Variants in MSH3 observed in about 807,000 individuals in gnomAD.
MSH3 encodes mutS homolog 3.
MSH3 carries 106 observed loss-of-function variants against 123.3 expected under a neutral mutation model. That is an observed-to-expected ratio of 0.86 (90% CI 0.73 to 1.01). The LOEUF (loss-of-function observed/expected upper bound fraction) is 1.01. MSH3 is among the 50% of genes least tolerant of loss of function. The probability of loss-of-function intolerance (pLI) is 0.00; values close to 1 mark genes in which losing one functional copy is unlikely to be tolerated. For missense variants in MSH3, 1,459 were observed against 1,347.6 expected, an observed-to-expected ratio of 1.08 and a Z score of -1.29; for synonymous variants, 515 against 481.4, an observed-to-expected ratio of 1.07 and a Z score of -0.91.
chr5:80,809,917 T>C (rs1478383246), intron 19 of MSH3, among the ~76,000 whole-genome samples: 1 of 152,038 alleles, frequency 6.6e-6, no homozygotes, highest in Non-Finnish European at 1.5e-5. Flanking sequence ...TTTTTTATGA[T>C]TTCAGCCAAT....
rs75310734 is a variant in MSH3 at position 80,754,456 on chromosome 5, A to G, written c.1764-7090A>G. 2.6e-5 allele frequency among the ~76,000 whole-genome samples: 4 copies of G among 152,258 alleles called. No individual in the cohort carries two copies. The East Asian group carries it at 7.7e-4, about 29-fold the overall frequency. The stretch of plus-strand genomic sequence containing the variant: ...CGTTCCCAGCGTCAGGGAATTTCTA[A>G]TCTAATCTGGTCAAGGTATAATCTA... On this transcript the variant is annotated intron_variant, in intron 12 of 23. Coordinates refer to ENST00000265081, the MANE Select transcript of MSH3 (RefSeq NM_002439.5).
intron 17 of MSH3, 144 bp downstream of exon 17, chr5:80,778,980 CTTTT>C: frequency 3.3e-5 from 13 of 393,954 alleles, no homozygotes; most frequent in East Asian, 9.0e-5. Context: ...GATTTTATTT[CTTTT>C]TTTTTTTTTT....
intron 8 of MSH3, among the ~76,000 whole-genome samples, chr5:80,722,988 T>C (rs538686402): frequency 5.9e-5 from 9 of 152,146 alleles, no homozygotes; most frequent in African/African-American, 2.2e-4. Flanking sequence ...CTATCTGTAG[T>C]CCTAGCTACT....
intron 18 of MSH3, among the ~76,000 whole-genome samples, chr5:80,789,227 T>C (rs1744566598): frequency 1.3e-5 from 2 of 152,198 alleles, no homozygotes; most frequent in African/African-American, 4.8e-5. Context: ...TCTTTTACAA[T>C]GAATTTGTAA....
intron 16 of MSH3, among the ~76,000 whole-genome samples, chr5:80,776,705 T>C (rs1333636399): frequency 1.3e-5 from 2 of 151,784 alleles, no homozygotes; most frequent in African/African-American, 4.8e-5. Flanking sequence ...GTGGAATATT[T>C]ATTAGTACTG....
intron 19 of MSH3, among the ~76,000 whole-genome samples, chr5:80,799,727 C>T (rs1359487746): frequency 6.6e-6 from 1 of 151,928 alleles, no homozygotes; most frequent in East Asian, 1.9e-4. Flanking sequence ...ATTGAGCAAG[C>T]GTCCCCATTG....
intron 5 of MSH3, 69 bp downstream of exon 5, chr5:80,672,429 T>C (rs904294009): frequency 1.7e-6 from 2 of 1,167,342 alleles, no homozygotes; most frequent in African/African-American, 1.5e-5. Context: ...AAACGTGTTT[T>C]GTAAGGTGGT....
rs749309440 is a variant in MSH3, at chr5:80,864,914, C to G, written c.3102C>G (p.Val1034=). The G allele has an allele frequency of 6.2e-7, 1 of 1,613,832 alleles. No homozygotes were observed. Among genetic ancestry groups the G allele is most frequent in the African/African-American group, 1.3e-5 (1 of 75,022 alleles). ...QVGNYHMGFL[V]SEDESKLDPG... ...GGAATTACCACATGGGATTCTTGGT[C>G]AGTGAGGATGAAAGCAAACTGGATC... The change falls in exon 22 of 24, where the codon GTC becomes GTG. Residue 1034 remains valine, a synonymous_variant. Transcript: ENST00000265081.
At chr5:80,790,001 G>T (rs1744581259) in intron 18 of MSH3, among the ~76,000 whole-genome samples, 1 of 151,950 alleles carries the variant, frequency 6.6e-6, no homozygotes, top group South Asian at 2.1e-4. Context: ...TTTAAGTGAG[G>T]GTATGAGAAA....
At chr5:80,832,003 G>A (rs1007318433) in intron 20 of MSH3, among the ~76,000 whole-genome samples, 30 of 152,042 alleles carry the variant, frequency 2.0e-4, no homozygotes, top group African/African-American at 6.8e-4. Flanking sequence ...CCAGCTACTC[G>A]GGAGGCTGAG....
At chr5:80,820,170 T>C (rs1003391938) in intron 20 of MSH3, among the ~76,000 whole-genome samples, 3 of 152,206 alleles carry the variant, frequency 2.0e-5, no homozygotes, top group Non-Finnish European at 4.4e-5. Flanking sequence ...TGACTGAGGC[T>C]TAAAACATCA....
At chr5:80,826,932 T>C (rs1158900983) in intron 20 of MSH3, among the ~76,000 whole-genome samples, 6 of 152,186 alleles carry the variant, frequency 3.9e-5, no homozygotes, top group Non-Finnish European at 8.8e-5. Context: ...AGTAGAGTTT[T>C]GGCAAACACA....
At chr5:80,809,489 T>C (rs1744968878) in intron 19 of MSH3, among the ~76,000 whole-genome samples, 1 of 152,198 alleles carries the variant, frequency 6.6e-6, no homozygotes, top group Admixed American at 6.5e-5. Context: ...AAAAAGTGTA[T>C]ATTTTTTCTT....
chr5:80,738,755 T>C (rs1483792294), intron 10 of MSH3, among the ~76,000 whole-genome samples: 2 of 152,212 alleles, frequency 1.3e-5, no homozygotes, highest in Non-Finnish European at 2.9e-5. Context: ...ATGGCCTGGA[T>C]GTTTGTGCCC....
At chr5:80,699,861 A>G (rs1215900591) in intron 8 of MSH3, among the ~76,000 whole-genome samples, 1 of 152,184 alleles carries the variant, frequency 6.6e-6, no homozygotes, top group Non-Finnish European at 1.5e-5. Flanking sequence ...AAAGATTGAT[A>G]TTGATGATAA....
intron 18 of MSH3, among the ~76,000 whole-genome samples, chr5:80,790,968 T>C (rs1744596424): frequency 6.6e-6 from 1 of 152,230 alleles, no homozygotes; most frequent in Non-Finnish European, 1.5e-5. Context: ...AAAGTTGGTA[T>C]GTGAATAATA....
rs569686623 is a variant in MSH3 at position 80,856,816 on chromosome 5, A to G, written c.3000+2500A>G. On this transcript the variant is annotated intron_variant, in intron 21 of 23. Coordinates refer to ENST00000265081, the MANE Select transcript of MSH3 (RefSeq NM_002439.5). Reference sequence around the variant, plus strand: ...TTCCAGTCTGTGTGTATGTTTGCCAATTCTTTTGAATTTCCTACATAGGCA... The same window carrying G: ...TTCCAGTCTGTGTGTATGTTTGCCAGTTCTTTTGAATTTCCTACATAGGCA... 2.6e-4 allele frequency among the ~76,000 whole-genome samples: 40 copies of G among 152,318 alleles called. No individual in the cohort carries two copies. The South Asian group carries it at 7.0e-3, about 27-fold the overall frequency.
chr5:80,664,369 AG>A (rs1157425762), intron 2 of MSH3, among the ~76,000 whole-genome samples: 1 of 152,142 alleles, frequency 6.6e-6, no homozygotes, highest in African/African-American at 2.4e-5. Flanking sequence ...TGAGCTAGTA[AG>A]ATTTCCCAGT....
chr5:80,863,182 A>G (rs2112116425), intron 21 of MSH3, among the ~76,000 whole-genome samples: 1 of 152,338 alleles, frequency 6.6e-6, no homozygotes, highest in Admixed American at 6.5e-5. Context: ...TACATGGAAT[A>G]TTCCTGGTAT....
Sources: gnomAD v4.1 joint callset for allele counts (sites outside exome capture counted in the v4.1 genomes callset) on GRCh38, gnomAD v4.1.1 for gene constraint, MANE v1.5 for transcripts, NCBI Gene and HGNC (gene_info 2026-07-23, HGNC 2026-07-21) for gene names.